The following PALLD variants were observed in gnomAD, a reference collection of about 807,000 sequenced individuals.
PALLD encodes the protein palladin, cytoskeletal associated protein.
Under a neutral mutation model 123.5 loss-of-function variants are expected in PALLD, and 61 were observed. That is an observed-to-expected ratio of 0.49 (90% CI 0.40 to 0.61). PALLD has a LOEUF of 0.61. PALLD is among the 20% of genes least tolerant of loss of function. The pLI is 0.00. For missense variants in PALLD, 1,273 were observed against 1,377.0 expected (o/e 0.92, Z 1.20); for synonymous variants, 465 against 496.4 (o/e 0.94, Z 0.84).
At chr4:168,578,394 TG>T (rs1258146596) in intron 2 of PALLD, among the ~76,000 whole-genome samples, 3 of 151,982 alleles carry the variant, frequency 2.0e-5, no homozygotes, top group Admixed American at 6.6e-5. Context: ...CTTGTGATAG[TG>T]AGTGAGTTCT....
chr4:168,813,928 C>A (rs1248553306), intron 10 of PALLD, among the ~76,000 whole-genome samples: 1 of 152,126 alleles, frequency 6.6e-6, no homozygotes, highest in African/African-American at 2.4e-5. Flanking sequence ...CATTATGGAA[C>A]CTCACAGCAT....
chr4:168,618,360 C>A (rs1453790360), intron 2 of PALLD, among the ~76,000 whole-genome samples: 1 of 152,194 alleles, frequency 6.6e-6, no homozygotes, highest in East Asian at 1.9e-4. Flanking sequence ...CTGGGGATAG[C>A]AGAAACTCTC....
At chr4:168,717,242 T>G (rs555447301) in intron 10 of PALLD, among the ~76,000 whole-genome samples, 2 of 152,302 alleles carry the variant, frequency 1.3e-5, no homozygotes, top group South Asian at 4.2e-4. Context: ...CTCAACGATG[T>G]TTTTTGAATG....
chr4:168,528,792 T>C (rs1764310418), intron 2 of PALLD, among the ~76,000 whole-genome samples: 1 of 152,210 alleles, frequency 6.6e-6, no homozygotes, highest in Non-Finnish European at 1.5e-5. Flanking sequence ...AAACAATTTA[T>C]TATTTTCTCT....
intron 8 of PALLD, among the ~76,000 whole-genome samples, chr4:168,695,972 A>C (rs1783091692): frequency 6.6e-6 from 1 of 152,182 alleles, no homozygotes; most frequent in Non-Finnish European, 1.5e-5. Flanking sequence ...TCCCTGGGCC[A>C]CACTGGAAGA....
Position 168,709,381 on chromosome 4 carries a change from G to A in PALLD, c.1621+234G>A, listed in dbSNP as rs570983465. Reference sequence around the variant, plus strand: ...AAAAATTAGCTGAGTGTGGTGGTGCGTGCCTGTAATCCCAGCTACTCTGGA... The same window carrying A: ...AAAAATTAGCTGAGTGTGGTGGTGCATGCCTGTAATCCCAGCTACTCTGGA... On this transcript the variant is annotated intron_variant, in intron 9 of 21. Transcript: ENST00000505667. Among the ~76,000 whole-genome samples, 36 of 151,036 alleles carry A rather than the reference G, an allele frequency of 2.4e-4. 3 individuals carry two copies. In the South Asian group the frequency reaches 7.0e-3, roughly 29 times the overall value.
At chr4:168,541,952 C>T (rs1765658221) in intron 2 of PALLD, among the ~76,000 whole-genome samples, 1 of 152,144 alleles carries the variant, frequency 6.6e-6, no homozygotes, top group Admixed American at 6.5e-5. Flanking sequence ...AAATGCCTGC[C>T]TTTTGAAGCT....
At chr4:168,785,249 A>T (rs1736546251) in intron 10 of PALLD, among the ~76,000 whole-genome samples, 1 of 151,876 alleles carries the variant, frequency 6.6e-6, no homozygotes, top group Admixed American at 6.6e-5. Flanking sequence ...GCGCTCTCGG[A>T]TGCTAGCTAT....
At chr4:168,634,891 C>A (rs569006083) in intron 2 of PALLD, among the ~76,000 whole-genome samples, 1 of 151,798 alleles carries the variant, frequency 6.6e-6, no homozygotes, top group Admixed American at 6.6e-5. Flanking sequence ...TTGCTCTGAG[C>A]GAAGAGCTGT....
At position 168,883,088 on chromosome 4, in the gene PALLD, CAA is replaced by C. The variant is rs34847342; in HGVS notation, c.1965-7819_1965-7818del. ...CTGGTGACAGAGCAAAACTCTGTCT[CAA>C]AAAAAAAAAAAAAAGTAACCCACGT... On this transcript the variant is annotated intron_variant, in intron 10 of 21. Coordinates refer to ENST00000505667, the MANE Select transcript of PALLD (RefSeq NM_001166108.2). Among the ~76,000 whole-genome samples, 187 of 124,556 alleles carry C rather than the reference CAA, an allele frequency of 1.5e-3. 1 individual carries two copies. The highest frequency in any genetic ancestry group is 1.9e-3 in the Admixed American group (25 of 12,968). The allele number at this position is 124,556 out of a possible 152,430, so 81.7% of individuals were successfully genotyped here. A position where few individuals can be genotyped will look rare whatever the true frequency, so the allele number is the denominator to read the frequency against.
chr4:168,678,771 G>C (rs946767189), intron 3 of PALLD, among the ~76,000 whole-genome samples: 2 of 133,262 alleles, frequency 1.5e-5, no homozygotes, highest in African/African-American at 7.4e-5. Flanking sequence ...GATCAGAGGG[G>C]TATGTGTGTG....
intron 15 of PALLD, chr4:168,904,138 G>T (rs1013893967): frequency 5.7e-6 from 3 of 523,326 alleles, no homozygotes; most frequent in Admixed American, 3.1e-5. Flanking sequence ...ATTATTAAGG[G>T]TCTAATATGT....
intron 2 of PALLD, among the ~76,000 whole-genome samples, chr4:168,628,416 C>G (rs1366500598): frequency 6.6e-6 from 1 of 152,208 alleles, no homozygotes; most frequent in Non-Finnish European, 1.5e-5. Flanking sequence ...CCTACACCAT[C>G]TGGCTGTCCT....
rs79355421 is a variant in PALLD, at chr4:168,585,248, A to G, written c.908+72836A>G. ...ATAACCATTATCTTGTTTAATTCTC[A>G]CAACATCCTTATGAGTAGTGTGTGT... On this transcript the variant is annotated intron_variant, in intron 2 of 21. Coordinates refer to ENST00000505667, the MANE Select transcript of PALLD (RefSeq NM_001166108.2). Among the ~76,000 whole-genome samples the G allele has an allele frequency of 3.9e-3, 600 of 152,248 alleles. 6 individuals carry two copies. Among genetic ancestry groups the G allele is most frequent in the African/African-American group, 0.014 (575 of 41,552 alleles).
intron 15 of PALLD, among the ~76,000 whole-genome samples, chr4:168,913,329 G>T (rs1759425594): frequency 6.6e-6 from 1 of 151,988 alleles, no homozygotes; most frequent in Non-Finnish European, 1.5e-5. Context: ...AGTAGAGACG[G>T]GGTTTCACCA....
chr4:168,666,108 C>T (rs1331518338), intron 2 of PALLD, among the ~76,000 whole-genome samples: 1 of 152,028 alleles, frequency 6.6e-6, no homozygotes, highest in Non-Finnish European at 1.5e-5. Flanking sequence ...CTTATAAAAA[C>T]AGGCAGTAGG....
intron 8 of PALLD, among the ~76,000 whole-genome samples, chr4:168,698,168 G>A (rs1435028243): frequency 2.0e-5 from 3 of 152,122 alleles, no homozygotes; most frequent in East Asian, 1.9e-4. Context: ...TCTAAAAATC[G>A]AAACAGTAGA....
intron 10 of PALLD, among the ~76,000 whole-genome samples, chr4:168,857,890 A>T (rs1250619154): frequency 6.6e-6 from 1 of 152,222 alleles, no homozygotes; most frequent in East Asian, 1.9e-4. Flanking sequence ...GAAAGCAAAA[A>T]TTTGGAGAGA....
intron 10 of PALLD, among the ~76,000 whole-genome samples, chr4:168,734,255 G>A (rs1043411431): frequency 4.0e-5 from 6 of 151,628 alleles, no homozygotes; most frequent in African/African-American, 7.3e-5. Context: ...ATAAAATAAC[G>A]GTATAAGTCC....
Sources: allele counts gnomAD v4.1 joint callset (sites outside exome capture counted in the v4.1 genomes callset), GRCh38; gene constraint gnomAD v4.1.1; transcripts MANE v1.5; gene names NCBI Gene and HGNC (gene_info 2026-07-23, HGNC 2026-07-21).